The following FAM200C variants were observed in gnomAD, a reference collection of about 807,000 sequenced individuals.
chr5:160,393,855 A>C, the FAM200C span: 2 of 1,614,024 alleles, frequency 1.2e-6, no homozygotes, highest in Non-Finnish European at 1.7e-6. Context: ...GAAAATCCCA[A>C]CTCACAAAGG....
chr5:160,395,652 A>T, the FAM200C span: 8 of 646,218 alleles, frequency 1.2e-5, no homozygotes, highest in Admixed American at 8.6e-5. Context: ...CAGCATGTCA[A>T]TTCGAAGTAA....
At chr5:160,395,013 G>T in the FAM200C span, 5 of 1,613,668 alleles carry the variant, frequency 3.1e-6, no homozygotes, top group Admixed American at 1.7e-5. Flanking sequence ...TCTAGAACTT[G>T]CTGTAAGATA....
chr5:160,399,114 T>C, the FAM200C span, among the ~76,000 whole-genome samples: 914 of 152,304 alleles, frequency 6.0e-3, 15 homozygotes, highest in African/African-American at 0.021. Flanking sequence ...TTGGAAACTT[T>C]CCATAATAAA....
At chr5:160,395,791 T>TA in the FAM200C span, among the ~76,000 whole-genome samples, 2 of 152,336 alleles carry the variant, frequency 1.3e-5, no homozygotes, top group East Asian at 3.9e-4. Flanking sequence ...GTAAGTCCTT[T>TA]ATTGGTGAAT....
the FAM200C span, chr5:160,394,423 G>C: frequency 6.2e-7 from 1 of 1,613,580 alleles, no homozygotes; most frequent in Non-Finnish European, 8.5e-7. Context: ...TACTGCTCTT[G>C]TGGTGAAGAA....
the FAM200C span, among the ~76,000 whole-genome samples, chr5:160,398,395 C>A: frequency 2.0e-5 from 3 of 152,074 alleles, no homozygotes; most frequent in Non-Finnish European, 4.4e-5. Context: ...ACTAAAAATA[C>A]AAAAATTAGC....
At chr5:160,395,393 C>T in the FAM200C span, 2 of 1,614,084 alleles carry the variant, frequency 1.2e-6, no homozygotes, top group Non-Finnish European at 1.7e-6. Context: ...TACTGAGTTA[C>T]ACAACACACA....
the FAM200C span, chr5:160,395,188 T>C: frequency 6.2e-7 from 1 of 1,613,808 alleles, no homozygotes; most frequent in East Asian, 2.2e-5. Context: ...CCTTGGCACA[T>C]AAATACGCAA....
chr5:160,398,215 C>T, the FAM200C span, among the ~76,000 whole-genome samples: 1 of 151,828 alleles, frequency 6.6e-6, no homozygotes, highest in African/African-American at 2.4e-5. Flanking sequence ...GAGCTGAGAT[C>T]ACGCCACTGC....
the FAM200C span, chr5:160,395,162 G>C: frequency 6.2e-7 from 1 of 1,613,854 alleles, no homozygotes; most frequent in Non-Finnish European, 8.5e-7. Flanking sequence ...TTCAGCTACT[G>C]TATGAGGATT....
At chr5:160,399,168 G>A in the FAM200C span, among the ~76,000 whole-genome samples, 1 of 152,150 alleles carries the variant, frequency 6.6e-6, no homozygotes, top group African/African-American at 2.4e-5. Flanking sequence ...CTCATTTTAA[G>A]CATGATTCTT....
At chr5:160,395,431 C>A in the FAM200C span, 1 of 1,614,128 alleles carries the variant, frequency 6.2e-7, no homozygotes, top group South Asian at 1.1e-5. Flanking sequence ...CATCTACTTC[C>A]GTTGTACAGG....
the FAM200C span, among the ~76,000 whole-genome samples, chr5:160,398,490 G>T: frequency 1.3e-5 from 2 of 152,206 alleles, no homozygotes; most frequent in East Asian, 3.8e-4. Context: ...GAGCCGAGAT[G>T]ATGCCACTGC....
At chr5:160,398,135 G>A in the FAM200C span, among the ~76,000 whole-genome samples, 4,050 of 152,260 alleles carry the variant, frequency 0.027, 186 homozygotes, top group African/African-American at 0.092. Context: ...CCATCTACTC[G>A]GGAGGCTGAG....
the FAM200C span, among the ~76,000 whole-genome samples, chr5:160,398,499 G>GCGCTCTCCAGACTGGGTGA: frequency 6.6e-6 from 1 of 152,188 alleles, no homozygotes; most frequent in Non-Finnish European, 1.5e-5. Context: ...TGATGCCACT[G>GCGCTCTCCAGACTGGGTGA]CGCTCTCCAG....
At chr5:160,395,278 T>C in the FAM200C span, 1 of 1,614,178 alleles carries the variant, frequency 6.2e-7, no homozygotes, top group South Asian at 1.1e-5. Flanking sequence ...GATCAGATGG[T>C]GCTGGCATAT....
chr5:160,394,431 GA>G, the FAM200C span: 12 of 1,613,612 alleles, frequency 7.4e-6, no homozygotes, highest in African/African-American at 1.2e-4. Flanking sequence ...TTGTGGTGAA[GA>G]AACTGATTTA....
the FAM200C span, chr5:160,393,907 T>G: frequency 2.5e-6 from 4 of 1,614,162 alleles, no homozygotes; most frequent in South Asian, 3.3e-5. Flanking sequence ...GAGCTGTCTT[T>G]GCCAGGTTTG....
the FAM200C span, chr5:160,393,902 G>C: frequency 3.1e-6 from 5 of 1,614,122 alleles, no homozygotes; most frequent in Non-Finnish European, 8.5e-7. Context: ...TTCTAGAGCT[G>C]TCTTTGCCAG....
Sources: gnomAD v4.1 joint callset for allele counts (sites outside exome capture counted in the v4.1 genomes callset) on GRCh38, gnomAD v4.1.1 for gene constraint, MANE v1.5 for transcripts.